Variants in VTI1A observed in about 807,000 individuals in gnomAD.
VTI1A encodes the protein vesicle transport through interaction with t-SNAREs 1A.
Under a neutral mutation model 34.9 loss-of-function variants are expected in VTI1A, and 22 were observed. The observed-to-expected ratio is 0.63, with a 90% CI of 0.45 to 0.90. VTI1A has a LOEUF of 0.90. VTI1A is among the 40% of genes least tolerant of loss of function. The pLI is 0.00. For missense variants in VTI1A, 268 were observed against 275.6 expected (o/e 0.97, Z 0.20); for synonymous variants, 87 against 97.3 (o/e 0.89, Z 0.62).
chr10:112,813,135 G>A (rs747399913), intron 7 of VTI1A, among the ~76,000 whole-genome samples: 6 of 152,210 alleles, frequency 3.9e-5, no homozygotes, highest in Non-Finnish European at 8.8e-5. Context: ...GCAACAGAGC[G>A]GGCGGTGGAG....
chr10:112,554,656 T>A (rs1169696180), intron 5 of VTI1A, among the ~76,000 whole-genome samples: 3 of 152,200 alleles, frequency 2.0e-5, no homozygotes, highest in Non-Finnish European at 2.9e-5. Flanking sequence ...TTCTCTTTTT[T>A]AATTTTTTAT....
chr10:112,657,146 G>C (rs369848437), intron 5 of VTI1A, among the ~76,000 whole-genome samples: 47 of 152,254 alleles, frequency 3.1e-4, no homozygotes, highest in East Asian at 1.5e-3. Flanking sequence ...TTCTGTCTCA[G>C]GGGTTTACTT....
intron 3 of VTI1A, among the ~76,000 whole-genome samples, chr10:112,520,529 G>A (rs933105499): frequency 6.6e-6 from 1 of 151,750 alleles, no homozygotes; most frequent in East Asian, 1.9e-4. Context: ...AGCAATATGG[G>A]CAGAGTTCCT....
chr10:112,520,868 A>T (rs1228301157), intron 3 of VTI1A, among the ~76,000 whole-genome samples: 2 of 151,946 alleles, frequency 1.3e-5, no homozygotes, highest in Non-Finnish European at 2.9e-5. Flanking sequence ...AAAAGACAAA[A>T]TTTTTTAAAA....
chr10:112,835,222 C>T, the VTI1A span, among the ~76,000 whole-genome samples: 21 of 152,270 alleles, frequency 1.4e-4, no homozygotes, highest in East Asian at 2.3e-3. Flanking sequence ...GGCCAGAACA[C>T]GGAGCCCCAG....
chr10:112,696,833 A>T (rs1020031685), intron 7 of VTI1A, among the ~76,000 whole-genome samples: 3 of 152,192 alleles, frequency 2.0e-5, no homozygotes, highest in African/African-American at 7.2e-5. Flanking sequence ...AGCTGCGTGA[A>T]GAAATCATTA....
At chr10:112,728,679 A>G (rs1850136391) in intron 7 of VTI1A, among the ~76,000 whole-genome samples, 1 of 152,220 alleles carries the variant, frequency 6.6e-6, no homozygotes, top group Admixed American at 6.5e-5. Context: ...ATAGAATCAT[A>G]CTTGGGGGTA....
chr10:112,676,980 G>A (rs911533543), intron 7 of VTI1A, among the ~76,000 whole-genome samples: 12 of 152,150 alleles, frequency 7.9e-5, no homozygotes, highest in African/African-American at 2.9e-4. Flanking sequence ...CAGCATCTCA[G>A]TACAGCCATT....
At chr10:112,568,402 G>A (rs1851985316) in intron 5 of VTI1A, among the ~76,000 whole-genome samples, 1 of 152,092 alleles carries the variant, frequency 6.6e-6, no homozygotes, top group Non-Finnish European at 1.5e-5. Flanking sequence ...AGTTACTCGA[G>A]AGGCTGAGGC....
intron 7 of VTI1A, among the ~76,000 whole-genome samples, chr10:112,784,635 T>C (rs1852228303): frequency 6.6e-6 from 1 of 152,202 alleles, no homozygotes; most frequent in Admixed American, 6.5e-5. Flanking sequence ...TTTGACACTT[T>C]TTAAAGCAAG....
intron 7 of VTI1A, among the ~76,000 whole-genome samples, chr10:112,809,933 C>T (rs1373664137): frequency 6.6e-6 from 1 of 152,134 alleles, no homozygotes; most frequent in Non-Finnish European, 1.5e-5. Context: ...GAAGAATGCA[C>T]ATATGCCGTA....
At chr10:112,745,187 A>G (rs971468491) in intron 7 of VTI1A, among the ~76,000 whole-genome samples, 1 of 151,834 alleles carries the variant, frequency 6.6e-6, no homozygotes, top group Non-Finnish European at 1.5e-5. Context: ...TGGAGAGAGT[A>G]GGAAGAGGGT....
intron 1 of VTI1A, chr10:112,449,546 G>A (rs1847152506): frequency 6.6e-6 from 1 of 152,218 alleles, no homozygotes; most frequent in African/African-American, 2.4e-5. Flanking sequence ...CTGAGGTCGG[G>A]AGTTTGAGAC....
At chr10:112,479,336 C>G (rs893145128) in intron 3 of VTI1A, among the ~76,000 whole-genome samples, 1 of 152,168 alleles carries the variant, frequency 6.6e-6, no homozygotes, top group Non-Finnish European at 1.5e-5. Flanking sequence ...ACCTCAGAAC[C>G]AAGGACTTTC....
chr10:112,837,367 G>A, the VTI1A span, among the ~76,000 whole-genome samples: 4 of 152,268 alleles, frequency 2.6e-5, no homozygotes, highest in Non-Finnish European at 4.4e-5. Context: ...GAAGACTGGA[G>A]GATGGGTGGT....
chr10:112,564,378 G>A (rs1851832421), intron 5 of VTI1A, among the ~76,000 whole-genome samples: 1 of 151,500 alleles, frequency 6.6e-6, no homozygotes, highest in African/African-American at 2.4e-5. Context: ...TCTTCACTGT[G>A]AGTTTAGTTT....
rs551411444 is a variant in VTI1A at position 112,655,200 on chromosome 10, A to G, written c.428-13018A>G. ...TTCACGGCCCAGCAATCTGTGTTTT[A>G]ACAATCTGGCCCTTTCATTTATCAA... On this transcript the variant is annotated intron_variant, in intron 5 of 7. Transcript: ENST00000393077. Among the ~76,000 whole-genome samples the G allele has an allele frequency of 1.1e-4, 16 of 152,342 alleles. No homozygotes were observed. In the South Asian group the frequency reaches 3.3e-3, roughly 32 times the overall value.
At chr10:112,832,896 G>A in the VTI1A span, among the ~76,000 whole-genome samples, 10 of 152,138 alleles carry the variant, frequency 6.6e-5, no homozygotes, top group African/African-American at 2.4e-4. Context: ...TTGCAGGGTA[G>A]GCAGTGGGGC....
intron 3 of VTI1A, among the ~76,000 whole-genome samples, chr10:112,478,201 A>G (rs1385087338): frequency 6.6e-6 from 1 of 152,192 alleles, no homozygotes; most frequent in Non-Finnish European, 1.5e-5. Flanking sequence ...AAATTTGACC[A>G]TACTACCAAA....
Sources: allele counts gnomAD v4.1 joint callset (sites outside exome capture counted in the v4.1 genomes callset), GRCh38; gene constraint gnomAD v4.1.1; transcripts MANE v1.5; gene names NCBI Gene and HGNC (gene_info 2026-07-23, HGNC 2026-07-21).